The following M1AP variants were observed in gnomAD, a reference collection of about 807,000 sequenced individuals.
M1AP encodes the protein meiosis 1 arrest protein.
A neutral mutation model predicts 51.2 loss-of-function variants in M1AP; 39 were observed. The ratio of observed to expected loss-of-function variants is 0.76; its 90% CI spans 0.59 to 1.00. The LOEUF is 1.00. Ranked by LOEUF, M1AP falls within the 50% of genes least tolerant of loss-of-function variation. The pLI, the probability that M1AP is intolerant of heterozygous loss-of-function variation, is 0.00. For missense variants in M1AP, 545 were observed against 641.2 expected, an observed-to-expected ratio of 0.85 and a Z score of 1.62; for synonymous variants, 251 against 249.2, an observed-to-expected ratio of 1.01 and a Z score of -0.07.
rs568602257 is a variant in M1AP, at chr2:74,640,407, G to C, written c.-52-80C>G. On this transcript the variant is annotated intron_variant, in intron 1 of 10. Coordinates refer to ENST00000421985, the MANE Select transcript of M1AP (RefSeq NM_001321739.2). The stretch of plus-strand genomic sequence containing the variant: ...GTTGAAATATAAAATACAAGTCGAG[G>C]GAAACAAATCCAGAAAGGAGTCAGA... 1.8e-3 allele frequency: 2,212 copies of C among 1,237,906 alleles called. 2 individuals carry two copies. The highest frequency in any genetic ancestry group is 2.2e-3 in the Non-Finnish European group (1,998 of 905,508). 76.7% of individuals were successfully genotyped at this position (1,237,906 alleles called of 1,614,324 possible). A position where few individuals can be genotyped will look rare whatever the true frequency, so the allele number is the denominator to read the frequency against.
At chr2:74,623,657 T>A (rs947298904) in intron 2 of M1AP, among the ~76,000 whole-genome samples, 1 of 152,236 alleles carries the variant, frequency 6.6e-6, no homozygotes, top group Non-Finnish European at 1.5e-5. Context: ...GTTTAACTTA[T>A]GTTTTATTTA....
chr2:74,569,357 G>C (rs1021967040), intron 7 of M1AP, among the ~76,000 whole-genome samples: 1 of 150,170 alleles, frequency 6.7e-6, no homozygotes, highest in Non-Finnish European at 1.5e-5. Flanking sequence ...TGTGTGTCAT[G>C]CACCTTCTCC....
At chr2:74,616,291 T>C (rs1404848767) in intron 2 of M1AP, among the ~76,000 whole-genome samples, 1 of 152,220 alleles carries the variant, frequency 6.6e-6, no homozygotes, top group Non-Finnish European at 1.5e-5. Context: ...ATCTATATTT[T>C]AAAATTCCAA....
At chr2:74,611,584 T>C (rs979333773) in intron 3 of M1AP, among the ~76,000 whole-genome samples, 3 of 152,108 alleles carry the variant, frequency 2.0e-5, no homozygotes, top group Non-Finnish European at 4.4e-5. Flanking sequence ...TAGCCAAAAG[T>C]TTGTGATTTT....
chr2:74,569,743 G>C (rs932649836), intron 7 of M1AP, among the ~76,000 whole-genome samples: 1 of 152,110 alleles, frequency 6.6e-6, no homozygotes, highest in Non-Finnish European at 1.5e-5. Flanking sequence ...ATTTTAAATA[G>C]GTAGAAAGAG....
rs1397486120 is a variant in M1AP, at chr2:74,576,578, T to TG, written c.809dup (p.Ser271IlefsTer8). Reference sequence around the variant, plus strand: ...CGTCAGCTGTGCCAGCGAGTAGGGATGGGCAGAGCAGTCGCTCTTGGAGAT... The same window carrying TG: ...CGTCAGCTGTGCCAGCGAGTAGGGATGGGGCAGAGCAGTCGCTCTTGGAGAT... On this transcript the variant is annotated frameshift_variant, in exon 6 of 11. Transcript: ENST00000421985. LOFTEE classifies it high-confidence loss of function. 34 of 1,614,002 alleles carry TG rather than the reference T, an allele frequency of 2.1e-5. No individual in the cohort carries two copies. The highest frequency in any genetic ancestry group is 2.8e-5 in the Non-Finnish European group (33 of 1,179,988).
chr2:74,605,467 T>G (rs956804810), intron 4 of M1AP, among the ~76,000 whole-genome samples: 1 of 152,242 alleles, frequency 6.6e-6, no homozygotes, highest in Non-Finnish European at 1.5e-5. Flanking sequence ...GTTTTTTAAT[T>G]GTGGTAAGAA....
intron 2 of M1AP, among the ~76,000 whole-genome samples, chr2:74,627,491 A>C (rs566938827): frequency 6.6e-6 from 1 of 152,202 alleles, no homozygotes; most frequent in East Asian, 1.9e-4. Flanking sequence ...TTCTTGTATC[A>C]CTACATCAGT....
intron 4 of M1AP, among the ~76,000 whole-genome samples, chr2:74,582,436 G>A (rs951864893): frequency 6.6e-6 from 1 of 152,172 alleles, no homozygotes; most frequent in Non-Finnish European, 1.5e-5. Flanking sequence ...AAACTATGGA[G>A]TATTACGTGT....
intron 7 of M1AP, among the ~76,000 whole-genome samples, chr2:74,563,625 A>C (rs917269137): frequency 4.0e-5 from 6 of 151,564 alleles, no homozygotes; most frequent in African/African-American, 1.2e-4. Flanking sequence ...AAAAAAAAAA[A>C]AACATAAAGA....
chr2:74,575,451 C>T lies in M1AP; in HGVS notation c.1061G>A (p.Cys354Tyr). The T allele has an allele frequency of 1.2e-6, 2 of 1,614,142 alleles. No homozygotes were observed. Among genetic ancestry groups the T allele is most frequent in the Non-Finnish European group, 1.7e-6 (2 of 1,180,036 alleles). The change falls in exon 7 of 11, where the codon TGT becomes TAT. Residue 354 changes from cysteine to tyrosine, a missense_variant. Physicochemically the swap from Cys to Tyr is radical, Grantham distance 194. Transcript: ENST00000421985. ...ETNQQHFHAL[C>Y]HSLLKREWLL... ...ATGGGTACTCACCAGCAGGCTGTGA[C>T]ACAAAGCATGGAAATGTTGCTGATT...
chr2:74,628,129 C>A (rs545363302), intron 2 of M1AP, among the ~76,000 whole-genome samples: 11 of 152,332 alleles, frequency 7.2e-5, no homozygotes, highest in African/African-American at 2.2e-4. Flanking sequence ...TGCCAACATA[C>A]TTTCCATTCC....
At chr2:74,644,116 T>C (rs934217790) in intron 1 of M1AP, among the ~76,000 whole-genome samples, 3 of 152,230 alleles carry the variant, frequency 2.0e-5, no homozygotes, top group Non-Finnish European at 4.4e-5. Flanking sequence ...AATCATTCTA[T>C]ATAATTGTTT....
At chr2:74,613,587 G>A (rs565843935) in intron 3 of M1AP, among the ~76,000 whole-genome samples, 1 of 152,224 alleles carries the variant, frequency 6.6e-6, no homozygotes, top group African/African-American at 2.4e-5. Context: ...GCTGGAGTTT[G>A]GTATTTCCCT....
chr2:74,576,500 C>T lies in M1AP; in HGVS notation c.888G>A (p.Met296Ile), dbSNP rs267599461. 6.2e-7 allele frequency: 1 copy of T among 1,613,816 alleles called. No homozygotes were observed. Among genetic ancestry groups the T allele is most frequent in the African/African-American group, 1.3e-5 (1 of 74,918 alleles). ...AATGAGAGGCCGATGACTGGGAAGC[C>T]ATCTGGTAGAGTGTGATGAAGTCTC... ...PKGDFITLYQMASQSSASHYK... is the reference protein window; with the variant it reads ...PKGDFITLYQIASQSSASHYK... Residue 296 changes from methionine to isoleucine, a missense_variant, in exon 6 of 11, where the codon ATG becomes ATA. Met to Ile is a conservative substitution (Grantham distance 10). Coordinates refer to ENST00000421985, the MANE Select transcript of M1AP (RefSeq NM_001321739.2).
intron 4 of M1AP, among the ~76,000 whole-genome samples, chr2:74,596,081 C>A (rs1407211981): frequency 1.3e-5 from 2 of 151,998 alleles, no homozygotes; most frequent in Non-Finnish European, 2.9e-5. Flanking sequence ...AAAAACAGGA[C>A]AAACAGAAAA....
At chr2:74,610,657 T>C (rs1326862121) in intron 3 of M1AP, among the ~76,000 whole-genome samples, 3 of 152,046 alleles carry the variant, frequency 2.0e-5, no homozygotes, top group African/African-American at 7.2e-5. Context: ...GGTCTCACTA[T>C]GTTGTCCAGG....
intron 4 of M1AP, among the ~76,000 whole-genome samples, chr2:74,598,832 G>T (rs1315704832): frequency 6.6e-6 from 1 of 151,760 alleles, no homozygotes; most frequent in South Asian, 2.1e-4. Context: ...ATGTTGTTCA[G>T]GCTGATCTTG....
At chr2:74,564,756 C>T (rs1678265555) in intron 7 of M1AP, among the ~76,000 whole-genome samples, 1 of 152,168 alleles carries the variant, frequency 6.6e-6, no homozygotes, top group Non-Finnish European at 1.5e-5. Context: ...GCTCTGAGGA[C>T]ATGGCCTGTT....
Sources: allele counts gnomAD v4.1 joint callset (sites outside exome capture counted in the v4.1 genomes callset), GRCh38; gene constraint gnomAD v4.1.1; transcripts MANE v1.5; gene names NCBI Gene and HGNC (gene_info 2026-07-23, HGNC 2026-07-21).